Variants in CHD5 observed in about 807,000 individuals in gnomAD.
The protein encoded by CHD5 is chromodomain helicase DNA binding protein 5, also known as ATP-dependent chromatin remodeler CHD5.
Under a neutral mutation model 230.3 loss-of-function variants are expected in CHD5, and 69 were observed. The ratio of observed to expected loss-of-function variants is 0.30; its 90% CI spans 0.25 to 0.37. The LOEUF is 0.37. Ranked by LOEUF, CHD5 falls within the 10% of genes least tolerant of loss-of-function variation. CHD5 has a pLI of 1.00. For missense variants in CHD5, 1,827 were observed against 2,622.8 expected (o/e 0.70, Z 6.63); for synonymous variants, 1,064 against 1,065.9 (o/e 1.00, Z 0.03).
chr1:6,106,673 C>T lies in CHD5; in HGVS notation c.5685G>A (p.Ser1895=), dbSNP rs756618256. The change falls in exon 39 of 42, where the codon TCG becomes TCA. Residue 1895 remains serine (S), a synonymous_variant. Coordinates refer to ENST00000262450, the MANE Select transcript of CHD5 (RefSeq NM_015557.3). ...TCAGGCGGCTCAGGATGCTGCGCTC[C>T]GACATCTGCAGCCGGGCGGCCACCG... ...IPPVAARLQM[S]ERSILSRLTN... 24 of 1,610,384 alleles carry T rather than the reference C, an allele frequency of 1.5e-5. No individual in the cohort carries two copies. Among genetic ancestry groups the T allele is most frequent in the Non-Finnish European group, 1.9e-5 (22 of 1,179,114 alleles).
At chr1:6,111,134 G>A (rs1306780945) in intron 36 of CHD5, among the ~76,000 whole-genome samples, 1 of 151,684 alleles carries the variant, frequency 6.6e-6, no homozygotes, top group African/African-American at 2.4e-5. Context: ...GGAGGCTGAG[G>A]CAGAAGAATC....
Position 6,131,582 on chromosome 1 carries a change from G to A in CHD5, c.3262+49C>T. 8.8e-7 allele frequency: 1 copy of A among 1,134,950 alleles called. No homozygotes were observed. The highest frequency in any genetic ancestry group is 1.3e-6 in the Non-Finnish European group (1 of 750,518). 70.3% of individuals were successfully genotyped at this position (1,134,950 alleles called of 1,614,324 possible). A position where few individuals can be genotyped will look rare whatever the true frequency, so the allele number is the denominator to read the frequency against. ...TGGCTAAGAACCAGGCCTGGGAGAA[G>A]AGGCCAAAAAGGAGTCTCAATCAGA... On this transcript the variant is annotated intron_variant, in intron 21 of 41. Coordinates refer to ENST00000262450, the MANE Select transcript of CHD5 (RefSeq NM_015557.3). This position sits in a 1 kb window ranked among gnomAD's most constrained non-coding sequence, Gnocchi z 5.0.
At position 6,124,674 on chromosome 1, in the gene CHD5, G is replaced by A. The variant is rs774250375; in HGVS notation, c.4395-13C>T. 16 of 927,574 alleles carry A rather than the reference G, an allele frequency of 1.7e-5. 1 individual carries two copies. Among genetic ancestry groups the A allele is most frequent in the Non-Finnish European group, 2.5e-5 (15 of 600,998 alleles). 57.5% of individuals were successfully genotyped at this position (927,574 alleles called of 1,614,324 possible). A position where few individuals can be genotyped will look rare whatever the true frequency, so the allele number is the denominator to read the frequency against. Reference sequence around the variant, plus strand: ...GGACACATAGGCTCTGGGGTGGGGGGGGGGGACTGGGGCTCAGGGAGTGGG... The same window carrying A: ...GGACACATAGGCTCTGGGGTGGGGGAGGGGGACTGGGGCTCAGGGAGTGGG... On this transcript the variant is annotated splice_polypyrimidine_tract_variant and intron_variant, in intron 29 of 41. Coordinates refer to ENST00000262450, the MANE Select transcript of CHD5 (RefSeq NM_015557.3).
Position 6,129,429 on chromosome 1 carries a change from T to TGTGA in CHD5, c.3388-364_3388-361dup, listed in dbSNP as rs1239762963. Among the ~76,000 whole-genome samples, 1 of 152,114 alleles carries TGTGA rather than the reference T, an allele frequency of 6.6e-6. No homozygotes were observed. Among genetic ancestry groups the TGTGA allele is most frequent in the Non-Finnish European group, 1.5e-5 (1 of 68,004 alleles). On this transcript the variant is annotated intron_variant, in intron 22 of 41. Coordinates refer to ENST00000262450, the MANE Select transcript of CHD5 (RefSeq NM_015557.3). This position sits in a 1 kb window ranked among gnomAD's most constrained non-coding sequence, Gnocchi z 6.8. ...GGGGAGGTAGGAGGCTGCATTTCCC[T>TGTGA]GTGAGCGAACCACTAATGGGACCAC...
Position 6,146,973 on chromosome 1 carries a change from C to T in CHD5, c.1384-102G>A, listed in dbSNP as rs1386350607. 3 of 873,082 alleles carry T rather than the reference C, an allele frequency of 3.4e-6. No individual in the cohort carries two copies. In the African/African-American group the frequency reaches 5.1e-5, roughly 15 times the overall value. The allele number at this position is 873,082 out of a possible 1,614,324, so 54.1% of individuals were successfully genotyped here. On this transcript the variant is annotated intron_variant, in intron 9 of 41. Coordinates refer to ENST00000262450, the MANE Select transcript of CHD5 (RefSeq NM_015557.3). This position sits in a 1 kb window ranked among gnomAD's most constrained non-coding sequence, Gnocchi z 5.1. ...CCATGCAGGCTCCCTCCCATCAGTG[C>T]CACTGCCCCCAAGTCAGAACAGTAC...
intron 1 of CHD5, among the ~76,000 whole-genome samples, chr1:6,169,357 T>C (rs1456396149): frequency 6.6e-6 from 1 of 152,146 alleles, no homozygotes; most frequent in East Asian, 1.9e-4. Flanking sequence ...AGGACTCACC[T>C]CACCTGCACT....
rs760160713 is a variant in CHD5 at position 6,124,668 on chromosome 1, T to TGG, written c.4395-9_4395-8dup. The TGG allele has an allele frequency of 0.01, 4,443 of 425,986 alleles. 193 individuals are homozygous for TGG. Among genetic ancestry groups the TGG allele is most frequent in the African/African-American group, 0.1 (3,116 of 30,190 alleles). The allele number at this position is 425,986 out of a possible 1,614,324, so 26.4% of individuals were successfully genotyped here. On this transcript the variant is annotated splice_region_variant and splice_polypyrimidine_tract_variant and intron_variant, in intron 29 of 41. Coordinates refer to ENST00000262450, the MANE Select transcript of CHD5 (RefSeq NM_015557.3). Reference sequence around the variant, plus strand: ...GAAGAGGGACACATAGGCTCTGGGGTGGGGGGGGGGGACTGGGGCTCAGGG... The same window carrying TGG: ...GAAGAGGGACACATAGGCTCTGGGGTGGGGGGGGGGGGGACTGGGGCTCAGGG...
intron 33 of CHD5, among the ~76,000 whole-genome samples, chr1:6,119,576 A>G (rs1666432688): frequency 6.6e-6 from 1 of 152,238 alleles, no homozygotes; most frequent in Non-Finnish European, 1.5e-5. Flanking sequence ...ATCCATAATC[A>G]TAATGAGAGA....
At chr1:6,165,523 G>A (rs1667238700) in intron 2 of CHD5, among the ~76,000 whole-genome samples, 1 of 152,094 alleles carries the variant, frequency 6.6e-6, no homozygotes, top group African/African-American at 2.4e-5. Flanking sequence ...GGACCACGAG[G>A]CCTCGGGGTC....
Position 6,155,023 on chromosome 1 carries a change from TAG to T in CHD5, c.507-127_507-126del, listed in dbSNP as rs1337951973. The T allele has an allele frequency of 4.2e-5, 36 of 865,244 alleles. 1 individual carries two copies. In the South Asian group the frequency reaches 5.8e-4, roughly 14 times the overall value. 53.6% of individuals were successfully genotyped at this position (865,244 alleles called of 1,614,324 possible). A position where few individuals can be genotyped will look rare whatever the true frequency, so the allele number is the denominator to read the frequency against. ...ATGGCAGCAGCCCCAGGTTCCTGAT[TAG>T]AGAGATTAGGCGGGAAACCCACTGA... On this transcript the variant is annotated intron_variant, in intron 4 of 41. Transcript: ENST00000262450. The surrounding 1 kb of genome is among the most constrained non-coding windows in gnomAD (Gnocchi z 4.0).
chr1:6,144,232 A>T (rs1355857750), intron 11 of CHD5, 77 bp from the exon 12 acceptor site: 3 of 1,584,794 alleles, frequency 1.9e-6, no homozygotes, highest in Non-Finnish European at 2.6e-6. Context: ...ACCTCCCAGG[A>T]TGCAGAGCCA....
Position 6,125,505 on chromosome 1 carries a change from G to A in CHD5, c.4260+19C>T, listed in dbSNP as rs1023266334. 74 of 1,561,494 alleles carry A rather than the reference G, an allele frequency of 4.7e-5. No homozygotes were observed. Among genetic ancestry groups the A allele is most frequent in the South Asian group, 2.5e-4 (21 of 85,324 alleles). ...AGGAAGCAGGGGCAGAAAGAGATGCGGGAACAGACAGGCCCCACCTCGATG... is the reference window on the plus strand; with the variant it reads ...AGGAAGCAGGGGCAGAAAGAGATGCAGGAACAGACAGGCCCCACCTCGATG... On this transcript the variant is annotated intron_variant, in intron 28 of 41. Transcript: ENST00000262450. The surrounding 1 kb of genome is among the most constrained non-coding windows in gnomAD (Gnocchi z 6.7).
At position 6,128,162 on chromosome 1, in the gene CHD5, A is replaced by C; in HGVS notation, c.3787T>G (p.Ser1263Ala). The change falls in exon 25 of 42, where the codon TCC becomes GCC. Residue 1263 changes from serine (S) to alanine (A), a missense_variant. Transcript: ENST00000262450. This position sits in a 1 kb window ranked among gnomAD's most constrained non-coding sequence, Gnocchi z 7.8. ...SVIHYDDAAI[S>A]KLLDRNQDAT... ...TCCTGGTTCCGGTCCAGCAGCTTGG[A>C]GATGGCCGCATCGTCATAGTGGATC... 1 of 1,614,092 alleles carries C rather than the reference A, an allele frequency of 6.2e-7. No individual in the cohort carries two copies. The highest frequency in any genetic ancestry group is 1.3e-5 in the African/African-American group (1 of 75,028).
Position 6,143,948 on chromosome 1 carries a change from G to A in CHD5, c.1935-17C>T. The A allele has an allele frequency of 6.2e-7, 1 of 1,614,144 alleles. No individual in the cohort carries two copies. Among genetic ancestry groups the A allele is most frequent in the South Asian group, 1.1e-5 (1 of 91,084 alleles). ...ATCAGCTCCCTGGGAAACGGCATTG[G>A]AGGCAGGTGAGCAAGGCTCAGCCCA... On this transcript the variant is annotated splice_polypyrimidine_tract_variant and intron_variant, in intron 12 of 41. Transcript: ENST00000262450.
In CHD5 at chr1:6,121,380, A is replaced by G; in HGVS notation, c.4779+114T>C. On this transcript the variant is annotated intron_variant, in intron 32 of 41. Transcript: ENST00000262450. The surrounding 1 kb of genome is among the most constrained non-coding windows in gnomAD (Gnocchi z 4.5). ...TGCTCCCCGCCGATTCAGAGCCCCGAAAAGGGAGCCAGGAGGCCTGGGTTC... is the reference window on the plus strand; with the variant it reads ...TGCTCCCCGCCGATTCAGAGCCCCGGAAAGGGAGCCAGGAGGCCTGGGTTC... 1.3e-6 allele frequency: 2 copies of G among 1,492,850 alleles called. No homozygotes were observed. The highest frequency in any genetic ancestry group is 3.8e-5 in the Admixed American group (2 of 53,030). 92.5% of individuals were successfully genotyped at this position (1,492,850 alleles called of 1,614,324 possible). A position where few individuals can be genotyped will look rare whatever the true frequency, so the allele number is the denominator to read the frequency against.
At position 6,130,154 on chromosome 1, in the gene CHD5, C is replaced by CT. The variant is rs764699752; in HGVS notation, c.3387+49_3387+50insA. The CT allele has an allele frequency of 1.1e-5, 18 of 1,607,510 alleles. No individual in the cohort carries two copies. The South Asian group carries it at 2.0e-4, about 18-fold the overall frequency. ...CATGAAGGACAGAACCTGCCTGAGG[C>CT]CCGGGATGAGAGGCCCCCTGGGAGG... On this transcript the variant is annotated intron_variant, in intron 22 of 41. Transcript: ENST00000262450. This position sits in a 1 kb window ranked among gnomAD's most constrained non-coding sequence, Gnocchi z 4.9.
At position 6,125,778 on chromosome 1, in the gene CHD5, G is replaced by A; in HGVS notation, c.4159C>T (p.Pro1387Ser). 6.2e-7 allele frequency: 1 copy of A among 1,613,084 alleles called. No homozygotes were observed. Among genetic ancestry groups the A allele is most frequent in the South Asian group, 1.1e-5 (1 of 91,062 alleles). Residue 1387 changes from proline (P) to serine (S), a missense_variant, in exon 27 of 42, where the codon CCG becomes TCG. By Grantham distance (74) the Pro-to-Ser change is moderately conservative. Around this residue, in one of 14 missense-constraint regions of CHD5, gnomAD observed 137 missense variants for 272.7 expected, o/e 0.50. Transcript: ENST00000262450. This position sits in a 1 kb window ranked among gnomAD's most constrained non-coding sequence, Gnocchi z 6.7. ...EDEDEDFEER[P>S]EGQSGRRQSR... The stretch of plus-strand genomic sequence containing the variant: ...CACTGAGACTCACTCTGCCCTTCCG[G>A]CCTCTCTTCAAAGTCCTCATCCTCA...
intron 1 of CHD5, among the ~76,000 whole-genome samples, chr1:6,173,190 C>T (rs1328790591): frequency 4.0e-5 from 6 of 151,548 alleles, no homozygotes; most frequent in East Asian, 2.0e-4. Context: ...CTGCAAGCTC[C>T]GCCTCCCAGG....
chr1:6,144,812 C>G (rs907852281), intron 11 of CHD5, among the ~76,000 whole-genome samples: 3 of 152,334 alleles, frequency 2.0e-5, no homozygotes, highest in South Asian at 4.1e-4. Context: ...CGAGGAGGCA[C>G]ACAGACCCGG....
Sources: gnomAD v4.1 joint callset for allele counts (sites outside exome capture counted in the v4.1 genomes callset) on GRCh38, gnomAD v4.1.1 for gene constraint, gnomAD v4.1.1 regional missense constraint, Gnocchi (gnomAD v3.1) non-coding constraint, MANE v1.5 for transcripts, NCBI Gene and HGNC (gene_info 2026-07-23, HGNC 2026-07-21) for gene names.